UBAP1L: variants seen among roughly 807,000 people sequenced by gnomAD.
UBAP1L encodes ubiquitin-associated protein 1-like.
A neutral mutation model predicts 32.1 loss-of-function variants in UBAP1L; 32 were observed. The observed-to-expected ratio is 1.00, with a 90% CI of 0.75 to 1.34. UBAP1L has a LOEUF of 1.34. Ranked by LOEUF, UBAP1L falls within the 40% of genes most tolerant of loss-of-function variation. UBAP1L has a pLI of 0.00. For missense variants in UBAP1L, 516 were observed against 540.5 expected (o/e 0.95, Z 0.45); for synonymous variants, 243 against 250.2 (o/e 0.97, Z 0.27).
Position 65,094,525 on chromosome 15 carries a change from C to A in UBAP1L, c.961G>T (p.Glu321Ter). The A allele has an allele frequency of 1.3e-6, 2 of 1,551,590 alleles. No individual in the cohort carries two copies. The highest frequency in any genetic ancestry group is 1.7e-6 in the Non-Finnish European group (2 of 1,146,976). Residue 321 changes from glutamate (E) to a stop codon, truncating the protein, a stop_gained, in exon 5 of 6, where the codon GAA becomes TAA. Transcript: ENST00000559089. LOFTEE classifies it high-confidence loss of function. The surrounding 1 kb of genome is among the most constrained non-coding windows in gnomAD (Gnocchi z 4.2). ...CDRLLRQGYE[E>*]GLVDEAMEMF... ...TCCATGGCCTCATCCACCAGGCCTT[C>A]CTCATATCCCTGACGTAACAGGCGG...
In UBAP1L at chr15:65,093,142, G is replaced by T; in HGVS notation, c.1101C>A (p.Asn367Lys). ...RIKEVLLVHGNRREQALEELV... is the reference protein window; with the variant it reads ...RIKEVLLVHGKRREQALEELV... ...GCTCCTCCAGGGCTTGCTCTCGGCG[G>T]TTGCCATGGACCAGCAGCACCTCCT... is the stretch of plus-strand genomic sequence containing the variant. Residue 367 changes from asparagine (N) to lysine (K), a missense_variant, in exon 6 of 6, where the codon AAC becomes AAA. By Grantham distance (94) the Asn-to-Lys change is moderately conservative. Coordinates refer to ENST00000559089, the MANE Select transcript of UBAP1L (RefSeq NM_001163692.2). 1 of 1,549,988 alleles carries T rather than the reference G, an allele frequency of 6.5e-7. No homozygotes were observed.
At position 65,102,496 on chromosome 15, in the gene UBAP1L, C is replaced by T. The variant is rs1256534768; in HGVS notation, c.309G>A (p.Glu103=). Residue 103 remains glutamate, a synonymous_variant, in exon 3 of 6, where the codon GAG becomes GAA. Coordinates refer to ENST00000559089, the MANE Select transcript of UBAP1L (RefSeq NM_001163692.2). This position sits in a 1 kb window ranked among gnomAD's most constrained non-coding sequence, Gnocchi z 5.0. The part of the protein sequence containing the change: ...TIRDPEAGHQ[E]RPEEEGEDEA... ...CGTCCTCACCCTCCTCCTCCGGCCT[C>T]TCCTGGTGTCCGGCCTCCGGGTCTC... The T allele has an allele frequency of 7.5e-6, 11 of 1,465,206 alleles. No individual in the cohort carries two copies. In the Middle Eastern group the frequency reaches 1.3e-3, roughly 173 times the overall value. 90.8% of individuals were successfully genotyped at this position (1,465,206 alleles called of 1,614,324 possible).
intron 2 of UBAP1L, among the ~76,000 whole-genome samples, chr15:65,103,114 A>G (rs889042612): frequency 2.8e-4 from 42 of 152,330 alleles, no homozygotes; most frequent in African/African-American, 9.6e-4. Flanking sequence ...AAACCTCCCT[A>G]TGGAGTGATT....
chr15:65,099,430 CA>C (rs2087213784), intron 4 of UBAP1L, 74 bp downstream of exon 4: 1 of 1,469,676 alleles, frequency 6.8e-7, no homozygotes, highest in East Asian at 2.5e-5. Context: ...TGTCACAGCT[CA>C]AAAGGTGAAA....
At chr15:65,110,697 A>AAG (rs1434816953) in intron 1 of UBAP1L, among the ~76,000 whole-genome samples, 17 of 151,694 alleles carry the variant, frequency 1.1e-4, no homozygotes, top group African/African-American at 3.9e-4. Flanking sequence ...AAAAAAAAAA[A>AAG]AAAAAGAAAA....
intron 3 of UBAP1L, chr15:65,101,067 G>A (rs2087234209): frequency 6.6e-6 from 1 of 152,244 alleles, no homozygotes; most frequent in African/African-American, 2.4e-5. Flanking sequence ...TTGGCTCACA[G>A]TGCAGGTAGA....
At chr15:65,106,421 A>C in intron 1 of UBAP1L, 33 bp from the exon 2 acceptor site, 1 of 500,282 alleles carries the variant, frequency 2.0e-6, no homozygotes. Flanking sequence ...TAAAAACAAG[A>C]GCATTCACAC....
At chr15:65,110,081 C>T (rs1475071707) in intron 1 of UBAP1L, among the ~76,000 whole-genome samples, 3 of 152,194 alleles carry the variant, frequency 2.0e-5, no homozygotes, top group Non-Finnish European at 2.9e-5. Context: ...ACAAAATCGG[C>T]CGGGCGCGGT....
At position 65,102,093 on chromosome 15, in the gene UBAP1L, G is replaced by T; in HGVS notation, c.699+13C>A. The T allele has an allele frequency of 2.5e-6, 3 of 1,178,944 alleles. No homozygotes were observed. Among genetic ancestry groups the T allele is most frequent in the African/African-American group, 3.2e-5 (2 of 62,628 alleles). 73.0% of individuals were successfully genotyped at this position (1,178,944 alleles called of 1,614,324 possible). On this transcript the variant is annotated intron_variant, in intron 3 of 5. Coordinates refer to ENST00000559089, the MANE Select transcript of UBAP1L (RefSeq NM_001163692.2). This position sits in a 1 kb window ranked among gnomAD's most constrained non-coding sequence, Gnocchi z 5.0. Reference sequence around the variant, plus strand: ...CTGATTGGCGGCCTTGGAGGGGCGGGCAGAATCCTTACCGCGACCGTAGGC... The same window carrying T: ...CTGATTGGCGGCCTTGGAGGGGCGGTCAGAATCCTTACCGCGACCGTAGGC...
At chr15:65,113,690 G>A (rs1250417851) in intron 1 of UBAP1L, among the ~76,000 whole-genome samples, 1 of 152,154 alleles carries the variant, frequency 6.6e-6, no homozygotes, top group Non-Finnish European at 1.5e-5. Flanking sequence ...GAAGGTTGCA[G>A]TGAACCAAGA....
intron 1 of UBAP1L, among the ~76,000 whole-genome samples, chr15:65,107,392 A>G (rs2087326217): frequency 6.6e-6 from 1 of 151,914 alleles, no homozygotes; most frequent in Admixed American, 6.6e-5. Flanking sequence ...CTCTATATAA[A>G]TAGTAAATCA....
Position 65,099,653 on chromosome 15 carries a change from TG to T in UBAP1L, c.760del (p.His254ThrfsTer15), listed in dbSNP as rs2087217352. The T allele has an allele frequency of 6.4e-7, 1 of 1,551,428 alleles. No homozygotes were observed. Reference sequence around the variant, plus strand: ...AGCCGCAGTATCAGGGTGTGACTTGTGGGGGTTGAGAGGTTGGGGTGCCCCC... The same window carrying T: ...AGCCGCAGTATCAGGGTGTGACTTGTGGGGTTGAGAGGTTGGGGTGCCCCC... ...LGGAPQPLNPHKSHPDTAADL... is the reference protein window; with the variant it reads ...LGGAPQPLNPXKSHPDTAADL... On this transcript the variant is annotated frameshift_variant, in exon 4 of 6. Coordinates refer to ENST00000559089, the MANE Select transcript of UBAP1L (RefSeq NM_001163692.2). LOFTEE classifies it high-confidence loss of function.
chr15:65,105,841 A>G, intron 2 of UBAP1L: 1 of 695,348 alleles, frequency 1.4e-6, no homozygotes, highest in South Asian at 1.5e-5. Context: ...GCCAGGCTGA[A>G]ATGCAGTGGC....
At chr15:65,103,924 T>C (rs1464546775) in intron 2 of UBAP1L, among the ~76,000 whole-genome samples, 1 of 152,096 alleles carries the variant, frequency 6.6e-6, no homozygotes, top group African/African-American at 2.4e-5. Flanking sequence ...CAACACTTGA[T>C]TTTGGAACTA....
At chr15:65,096,576 G>A (rs1294712992) in intron 4 of UBAP1L, 1 of 152,254 alleles carries the variant, frequency 6.6e-6, no homozygotes, top group East Asian at 1.9e-4. Context: ...GACTGTAGAA[G>A]CTATCAGGCT....
At chr15:65,112,046 TACA>T (rs2087372672) in intron 1 of UBAP1L, among the ~76,000 whole-genome samples, 1 of 152,270 alleles carries the variant, frequency 6.6e-6, no homozygotes, top group Non-Finnish European at 1.5e-5. Context: ...CCTCACTAGG[TACA>T]ACATGAGAGG....
In UBAP1L at chr15:65,093,208, C is replaced by T. The variant is rs765734780; in HGVS notation, c.1035G>A (p.Trp345Ter). 5.8e-6 allele frequency: 9 copies of T among 1,547,868 alleles called. No individual in the cohort carries two copies. The highest frequency in any genetic ancestry group is 1.4e-5 in the African/African-American group (1 of 72,874). Reference protein sequence around the residue: ...ESQAGEFLRLWEQFSDMGFQQ... With the variant: ...ESQAGEFLRL Reference sequence around the variant, plus strand: ...GGAAGCCCATGTCACTGAACTGCTCCCAGAGGCGCAGGAACTCCCCTGCCT... The same window carrying T: ...GGAAGCCCATGTCACTGAACTGCTCTCAGAGGCGCAGGAACTCCCCTGCCT... The change falls in exon 6 of 6, where the codon TGG (tryptophan) becomes TGA (stop). Residue 345 changes from tryptophan to a stop codon, truncating the protein, a stop_gained. Coordinates refer to ENST00000559089, the MANE Select transcript of UBAP1L (RefSeq NM_001163692.2). LOFTEE classifies it high-confidence loss of function.
chr15:65,094,878 G>A lies in UBAP1L; in HGVS notation c.910-302C>T. On this transcript the variant is annotated intron_variant, in intron 4 of 5. Coordinates refer to ENST00000559089, the MANE Select transcript of UBAP1L (RefSeq NM_001163692.2). The surrounding 1 kb of genome is among the most constrained non-coding windows in gnomAD (Gnocchi z 4.2). Reference sequence around the variant, plus strand: ...TAGAACCTAGGTGGGGAGCAGGACAGGCTTCAAACACAGACATCCCACCTA... The same window carrying A: ...TAGAACCTAGGTGGGGAGCAGGACAAGCTTCAAACACAGACATCCCACCTA... 1 of 435,708 alleles carries A rather than the reference G, an allele frequency of 2.3e-6. No individual in the cohort carries two copies. The highest frequency in any genetic ancestry group is 4.5e-5 in the East Asian group (1 of 22,432). 27.0% of individuals were successfully genotyped at this position (435,708 alleles called of 1,614,324 possible).
At position 65,094,411 on chromosome 15, in the gene UBAP1L, C is replaced by G. The variant is rs572047167; in HGVS notation, c.1011+64G>C. ...TGAGGACTGGTGTGGCCCTGCACAC[C>G]GGGCTCCTGGGTACACCCCCATCCC... On this transcript the variant is annotated intron_variant, in intron 5 of 5. Transcript: ENST00000559089. This position sits in a 1 kb window ranked among gnomAD's most constrained non-coding sequence, Gnocchi z 4.2. 4 of 1,237,064 alleles carry G rather than the reference C, an allele frequency of 3.2e-6. No individual in the cohort carries two copies. The Admixed American group carries it at 8.7e-5, about 27-fold the overall frequency. The allele number at this position is 1,237,064 out of a possible 1,614,324, so 76.6% of individuals were successfully genotyped here. A position where few individuals can be genotyped will look rare whatever the true frequency, so the allele number is the denominator to read the frequency against.
Sources: gnomAD v4.1 joint callset for allele counts (sites outside exome capture counted in the v4.1 genomes callset) on GRCh38, gnomAD v4.1.1 for gene constraint, Gnocchi (gnomAD v3.1) non-coding constraint, MANE v1.5 for transcripts, NCBI Gene and HGNC (gene_info 2026-07-23, HGNC 2026-07-21) for gene names.